The following SPTSSB variants were observed in gnomAD, a reference collection of about 807,000 sequenced individuals.
SPTSSB encodes the protein androgen down regulated in mouse prostate.
In SPTSSB, 6 loss-of-function variants were observed where a neutral mutation model predicts 7.7. The ratio of observed to expected loss-of-function variants is 0.78; its 90% CI spans 0.43 to 1.54. The LOEUF is 1.54. Among genes scored for constraint, SPTSSB ranks in the 40% most tolerant of loss-of-function variants. The pLI is 0.01. For missense variants in SPTSSB, 91 were observed against 93.0 expected, an observed-to-expected ratio of 0.98 and a Z score of 0.09; for synonymous variants, 28 against 29.7, an observed-to-expected ratio of 0.94 and a Z score of 0.19.
intron 2 of SPTSSB, among the ~76,000 whole-genome samples, chr3:161,356,367 T>C (rs577523812): frequency 6.6e-6 from 1 of 152,326 alleles, no homozygotes; most frequent in African/African-American, 2.4e-5. Context: ...CCTATTGTTA[T>C]TACATTTTAT....
At chr3:161,363,963 G>A (rs1465619643) in intron 1 of SPTSSB, among the ~76,000 whole-genome samples, 1 of 149,844 alleles carries the variant, frequency 6.7e-6, no homozygotes, top group East Asian at 1.9e-4. Flanking sequence ...GATGGTACAT[G>A]AAAAAAAAAA....
intron 2 of SPTSSB, among the ~76,000 whole-genome samples, chr3:161,356,392 T>A (rs746757156): frequency 2.6e-4 from 40 of 152,302 alleles, no homozygotes; most frequent in Admixed American, 5.9e-4. Context: ...CTTCAGCAAC[T>A]GAAGATTTTT....
intron 2 of SPTSSB, among the ~76,000 whole-genome samples, chr3:161,352,968 AG>A (rs1389141265): frequency 6.6e-6 from 1 of 152,196 alleles, no homozygotes; most frequent in Non-Finnish European, 1.5e-5. Context: ...TAAGATTGGT[AG>A]GTAGAAAAGT....
intron 1 of SPTSSB, among the ~76,000 whole-genome samples, chr3:161,366,355 T>C (rs958211329): frequency 1.2e-4 from 18 of 152,226 alleles, no homozygotes; most frequent in African/African-American, 4.3e-4. Flanking sequence ...GTCTTCCTTA[T>C]GCTTACTTGG....
intron 1 of SPTSSB, among the ~76,000 whole-genome samples, chr3:161,362,824 T>C (rs977095859): frequency 2.0e-5 from 3 of 152,076 alleles, no homozygotes; most frequent in Non-Finnish European, 4.4e-5. Context: ...AGTAGTGATA[T>C]TATGTTTGAT....
chr3:161,367,484 C>T (rs1163732671), intron 1 of SPTSSB, among the ~76,000 whole-genome samples: 1 of 152,210 alleles, frequency 6.6e-6, no homozygotes, highest in Non-Finnish European at 1.5e-5. Flanking sequence ...CTGCTTGCCA[C>T]CCCCATGACA....
chr3:161,350,557 A>G (rs1714483119), intron 2 of SPTSSB, among the ~76,000 whole-genome samples: 1 of 152,128 alleles, frequency 6.6e-6, no homozygotes, highest in African/African-American at 2.4e-5. Context: ...GGAACCTGAA[A>G]ATCTGAGAAG....
chr3:161,365,605 A>G (rs1019828039), intron 1 of SPTSSB, among the ~76,000 whole-genome samples: 1 of 152,238 alleles, frequency 6.6e-6, no homozygotes, highest in Non-Finnish European at 1.5e-5. Context: ...ACCACATAGT[A>G]GCTGCTCAAT....
At chr3:161,369,828 G>A (rs1715432187) in intron 1 of SPTSSB, among the ~76,000 whole-genome samples, 1 of 152,182 alleles carries the variant, frequency 6.6e-6, no homozygotes, top group South Asian at 2.1e-4. Context: ...CACTCAACTG[G>A]AGAGGGTGGG....
chr3:161,368,103 G>T (rs1406844399), intron 1 of SPTSSB, among the ~76,000 whole-genome samples: 1 of 152,224 alleles, frequency 6.6e-6, no homozygotes, highest in Non-Finnish European at 1.5e-5. Context: ...TGACACCTGT[G>T]AAATTCTTAA....
chr3:161,363,742 CTCAA>C (rs1560107077), intron 1 of SPTSSB, among the ~76,000 whole-genome samples: 2 of 151,878 alleles, frequency 1.3e-5, no homozygotes, highest in African/African-American at 4.8e-5. Flanking sequence ...ATTAATTTTG[CTCAA>C]AGGGATTTTT....
At chr3:161,369,061 A>G (rs529244947) in intron 1 of SPTSSB, among the ~76,000 whole-genome samples, 6 of 152,278 alleles carry the variant, frequency 3.9e-5, no homozygotes, top group South Asian at 2.1e-4. Flanking sequence ...TAAGTTTTCA[A>G]TTCTCTTGAA....
rs147556777 is a variant in SPTSSB at position 161,364,869 on chromosome 3, C to T, written c.-125-4975G>A. Among the ~76,000 whole-genome samples, 471 of 151,714 alleles carry T rather than the reference C, an allele frequency of 3.1e-3. 2 individuals carry two copies. The highest frequency in any genetic ancestry group is 0.01 in the Middle Eastern group (3 of 294). Reference sequence around the variant, plus strand: ...AAGTTGCTTTGGGCATGACATCTTGCGCTTTTTTCCTTCTTTCTTTTTTTG... The same window carrying T: ...AAGTTGCTTTGGGCATGACATCTTGTGCTTTTTTCCTTCTTTCTTTTTTTG... On this transcript the variant is annotated intron_variant, in intron 1 of 2. Transcript: ENST00000620149.
chr3:161,364,171 T>C lies in SPTSSB; in HGVS notation c.-125-4277A>G, dbSNP rs190579957. 2.0e-3 allele frequency among the ~76,000 whole-genome samples: 307 copies of C among 152,180 alleles called. 1 individual carries two copies. Among genetic ancestry groups the C allele is most frequent in the Non-Finnish European group, 1.1e-3 (74 of 67,986 alleles). On this transcript the variant is annotated intron_variant, in intron 1 of 2. Coordinates refer to ENST00000620149, the MANE Select transcript of SPTSSB (RefSeq NM_001040100.2). ...TATCTAAACAGATATACAGCAGTCA[T>C]AGCCTAGTAACAACGCCAGAATAAT...
Position 161,351,687 on chromosome 3 carries a change from A to C in SPTSSB, c.-32-5332T>G, listed in dbSNP as rs1714547238. 2.0e-5 allele frequency among the ~76,000 whole-genome samples: 3 copies of C among 152,296 alleles called. No individual in the cohort carries two copies. In the South Asian group the frequency reaches 6.2e-4, roughly 32 times the overall value. Reference sequence around the variant, plus strand: ...TTTGCAGAGCATGCTGATATTTTTTATTCTATTCTGTTCCATTATATTTAT... The same window carrying C: ...TTTGCAGAGCATGCTGATATTTTTTCTTCTATTCTGTTCCATTATATTTAT... On this transcript the variant is annotated intron_variant, in intron 2 of 2. Transcript: ENST00000620149.
At chr3:161,364,469 C>T (rs1358037992) in intron 1 of SPTSSB, among the ~76,000 whole-genome samples, 2 of 152,252 alleles carry the variant, frequency 1.3e-5, no homozygotes, top group East Asian at 3.9e-4. Context: ...AGCAAAGTTA[C>T]TGGGTTTCCA....
At chr3:161,371,217 G>T (rs1298494370) in intron 1 of SPTSSB, among the ~76,000 whole-genome samples, 1 of 152,230 alleles carries the variant, frequency 6.6e-6, no homozygotes, top group Non-Finnish European at 1.5e-5. Context: ...AAGTTTCAGT[G>T]TTAAAGTTTG....
intron 2 of SPTSSB, among the ~76,000 whole-genome samples, chr3:161,354,548 GT>G (rs1560104492): frequency 6.6e-6 from 1 of 152,160 alleles, no homozygotes; most frequent in Non-Finnish European, 1.5e-5. Context: ...GTTGTACTTT[GT>G]TGCCCAAGTT....
At chr3:161,371,129 T>A (rs1330279675) in intron 1 of SPTSSB, among the ~76,000 whole-genome samples, 2 of 152,140 alleles carry the variant, frequency 1.3e-5, no homozygotes, top group Non-Finnish European at 2.9e-5. Flanking sequence ...CCCAATGATA[T>A]TTTCCTGAGT....
Sources: allele counts gnomAD v4.1 joint callset (sites outside exome capture counted in the v4.1 genomes callset), GRCh38; gene constraint gnomAD v4.1.1; transcripts MANE v1.5; gene names NCBI Gene and HGNC (gene_info 2026-07-23, HGNC 2026-07-21).